Variants in SH2D4B observed in about 807,000 individuals in gnomAD.
SH2D4B encodes the protein SH2 domain-containing protein 4B.
In SH2D4B, 45 loss-of-function variants were observed where a neutral mutation model predicts 61.5. The ratio of observed to expected loss-of-function variants is 0.73; its 90% CI spans 0.58 to 0.94. SH2D4B has a LOEUF of 0.94. Among genes scored for constraint, SH2D4B ranks in the 40% least tolerant of loss-of-function variants. SH2D4B has a pLI of 0.00. For synonymous variants in SH2D4B, 224 were observed against 220.4 expected (o/e 1.02, Z -0.14); for missense variants, 572 against 574.2 (o/e 1.00, Z 0.04).
chr10:80,572,946 A>ATATATATATATATC (rs1842068001), intron 3 of SH2D4B, among the ~76,000 whole-genome samples: 1 of 3,142 alleles, frequency 3.2e-4, no homozygotes, highest in Non-Finnish European at 5.3e-4. Flanking sequence ...TATGTTGCAA[A>ATATATATATATATC]TATATATATA....
At chr10:80,542,972 T>A (rs181599226) in intron 1 of SH2D4B, among the ~76,000 whole-genome samples, 1 of 152,362 alleles carries the variant, frequency 6.6e-6, no homozygotes, top group Admixed American at 6.5e-5. Context: ...CAGCCTCTAC[T>A]GCCTCCATTC....
intron 1 of SH2D4B, among the ~76,000 whole-genome samples, chr10:80,544,274 C>T (rs542250495): frequency 6.2e-4 from 95 of 152,210 alleles, no homozygotes; most frequent in South Asian, 8.3e-4. Flanking sequence ...CACAAAGGTC[C>T]GCAGCTTCAC....
At chr10:80,570,948 C>T (rs1269033505) in intron 2 of SH2D4B, among the ~76,000 whole-genome samples, 4 of 152,140 alleles carry the variant, frequency 2.6e-5, no homozygotes, top group Non-Finnish European at 5.9e-5. Context: ...GATCAAGGCT[C>T]ACTGCAGCCT....
intron 1 of SH2D4B, among the ~76,000 whole-genome samples, chr10:80,557,288 A>AT (rs1194675210): frequency 1.3e-5 from 2 of 152,094 alleles, no homozygotes; most frequent in Non-Finnish European, 2.9e-5. Flanking sequence ...TTAATTTGCT[A>AT]ATACTTTATT....
intron 1 of SH2D4B, among the ~76,000 whole-genome samples, chr10:80,557,714 G>T (rs1363445852): frequency 6.6e-6 from 1 of 152,046 alleles, no homozygotes; most frequent in Non-Finnish European, 1.5e-5. Flanking sequence ...TGAAAGTTGT[G>T]TCTTCTCTCT....
At chr10:80,587,743 C>T (rs59577534) in intron 3 of SH2D4B, among the ~76,000 whole-genome samples, 20,799 of 152,172 alleles carry the variant, frequency 0.14, 1,943 homozygotes, top group African/African-American at 0.26. Flanking sequence ...CCCCGTCTCC[C>T]TGTCTCCCAC....
chr10:80,623,315 GC>G (rs1354330809), intron 6 of SH2D4B, among the ~76,000 whole-genome samples: 1 of 152,224 alleles, frequency 6.6e-6, no homozygotes, highest in Non-Finnish European at 1.5e-5. Context: ...GTCTGTGAGG[GC>G]TCAGTCCTCG....
intron 7 of SH2D4B, among the ~76,000 whole-genome samples, chr10:80,634,855 C>T (rs966114569): frequency 1.3e-5 from 2 of 152,194 alleles, no homozygotes; most frequent in African/African-American, 2.4e-5. Context: ...TTCCCAAGAA[C>T]GTCTCTCATG....
chr10:80,549,386 A>G (rs759601614), intron 1 of SH2D4B, among the ~76,000 whole-genome samples: 3 of 152,110 alleles, frequency 2.0e-5, no homozygotes, highest in African/African-American at 4.8e-5. Context: ...TGGCCTTGAC[A>G]TTGATGGGGC....
At chr10:80,568,091 C>CTT (rs1192521361) in intron 1 of SH2D4B, among the ~76,000 whole-genome samples, 38 of 145,174 alleles carry the variant, frequency 2.6e-4, no homozygotes, top group Non-Finnish European at 4.1e-4. Context: ...AGAGATCACA[C>CTT]TTTTTTTTTT....
At chr10:80,581,971 T>C (rs1842189847) in intron 3 of SH2D4B, among the ~76,000 whole-genome samples, 1 of 152,206 alleles carries the variant, frequency 6.6e-6, no homozygotes, top group Admixed American at 6.5e-5. Context: ...AAGATTTTTG[T>C]TCCTTCTGAC....
At chr10:80,542,228 T>A (rs1019793962) in intron 1 of SH2D4B, among the ~76,000 whole-genome samples, 1 of 151,906 alleles carries the variant, frequency 6.6e-6, no homozygotes, top group South Asian at 2.1e-4. Context: ...GGAATGCACA[T>A]CCTGTGTTAG....
Position 80,603,625 on chromosome 10 carries a change from G to T in SH2D4B, c.690G>T (p.Gln230His). The T allele has an allele frequency of 6.3e-7, 1 of 1,588,604 alleles. No individual in the cohort carries two copies. Among genetic ancestry groups the T allele is most frequent in the Non-Finnish European group, 8.6e-7 (1 of 1,168,200 alleles). The stretch of plus-strand genomic sequence containing the variant: ...ATGAGGAGAGGAGCCGCCGAGCCCA[G>T]CGCGCCCGGGACGAGTACCGACACC... ...AADEERSRRA[Q>H]RARDEYRHHS... The change falls in exon 5 of 8, where the codon CAG (glutamine) becomes CAT (histidine). Residue 230 changes from glutamine (Q) to histidine (H), a missense_variant. Physicochemically the swap from Gln to His is conservative, Grantham distance 24 (BLOSUM62 0). Transcript: ENST00000646907.
chr10:80,634,099 G>A (rs1027310052), intron 6 of SH2D4B, among the ~76,000 whole-genome samples, 186 bp from the exon 7 acceptor site: 12 of 152,292 alleles, frequency 7.9e-5, no homozygotes, highest in East Asian at 5.8e-4. Context: ...GGGCCAAGAT[G>A]CCCTCTCTGT....
intron 1 of SH2D4B, among the ~76,000 whole-genome samples, chr10:80,548,582 C>T (rs1411914028): frequency 6.6e-6 from 1 of 152,008 alleles, no homozygotes; most frequent in Non-Finnish European, 1.5e-5. Flanking sequence ...GGAAAGTCAC[C>T]CATGCAATGA....
At chr10:80,588,410 C>T (rs1842284441) in intron 3 of SH2D4B, among the ~76,000 whole-genome samples, 1 of 152,134 alleles carries the variant, frequency 6.6e-6, no homozygotes, top group Non-Finnish European at 1.5e-5. Flanking sequence ...ATATAAGTTT[C>T]AAGCTTTAAG....
At chr10:80,577,032 G>A (rs1484450124) in intron 3 of SH2D4B, among the ~76,000 whole-genome samples, 4 of 152,250 alleles carry the variant, frequency 2.6e-5, no homozygotes, top group Non-Finnish European at 5.9e-5. Flanking sequence ...CTCCCAAAGA[G>A]TTGGGATTAC....
At chr10:80,613,680 G>A (rs879381398) in intron 6 of SH2D4B, among the ~76,000 whole-genome samples, 1 of 152,230 alleles carries the variant, frequency 6.6e-6, no homozygotes, top group Non-Finnish European at 1.5e-5. Flanking sequence ...AAGCACAAAC[G>A]GGGGACCCCA....
chr10:80,606,047 A>C (rs1303741619), intron 5 of SH2D4B, among the ~76,000 whole-genome samples: 1 of 152,128 alleles, frequency 6.6e-6, no homozygotes, highest in African/African-American at 2.4e-5. Context: ...CAGCAGGCCC[A>C]GGCAGTGAGA....
Sources: allele counts gnomAD v4.1 joint callset (sites outside exome capture counted in the v4.1 genomes callset), GRCh38; gene constraint gnomAD v4.1.1; transcripts MANE v1.5; gene names NCBI Gene and HGNC (gene_info 2026-07-23, HGNC 2026-07-21).